PLSCR4: variants seen among roughly 807,000 people sequenced by gnomAD.
PLSCR4 encodes Ca(2+)-dependent phospholipid scramblase 4.
PLSCR4 carries 25 observed loss-of-function variants against 36.3 expected under a neutral mutation model. The observed-to-expected ratio is 0.69, with a 90% CI of 0.50 to 0.96. The LOEUF (loss-of-function observed/expected upper bound fraction) is 0.96. PLSCR4 is among the 40% of genes least tolerant of loss of function. The pLI, the probability that PLSCR4 is intolerant of heterozygous loss-of-function variation, is 0.00. For missense variants in PLSCR4, 408 were observed against 414.7 expected (o/e 0.98, Z 0.14); for synonymous variants, 122 against 132.9 (o/e 0.92, Z 0.56).
chr3:146,236,503 G>A (rs535796480), intron 1 of PLSCR4, among the ~76,000 whole-genome samples: 4 of 152,202 alleles, frequency 2.6e-5, no homozygotes, highest in African/African-American at 9.6e-5. Flanking sequence ...CCCAGTGGGA[G>A]GTAACTGAAT....
At chr3:146,200,379 A>G (rs1192110218) in intron 5 of PLSCR4, among the ~76,000 whole-genome samples, 1 of 152,110 alleles carries the variant, frequency 6.6e-6, no homozygotes, top group African/African-American at 2.4e-5. Flanking sequence ...ACATTTGACC[A>G]TTAATTAATC....
At chr3:146,226,460 A>G (rs1213344676) in intron 1 of PLSCR4, among the ~76,000 whole-genome samples, 1 of 152,206 alleles carries the variant, frequency 6.6e-6, no homozygotes, top group Non-Finnish European at 1.5e-5. Context: ...AGGCCAAATT[A>G]TTATATCTAT....
At chr3:146,239,079 G>A (rs970835053) in intron 1 of PLSCR4, among the ~76,000 whole-genome samples, 1 of 152,070 alleles carries the variant, frequency 6.6e-6, no homozygotes, top group Non-Finnish European at 1.5e-5. Context: ...ACCATGAAAT[G>A]TTGAAAGAAT....
chr3:146,223,875 TTA>T (rs2035300961), intron 1 of PLSCR4: 1 of 59,734 alleles, frequency 1.7e-5, no homozygotes, highest in African/African-American at 7.0e-5. Context: ...TTAATATATA[TTA>T]TATATTTTTA....
chr3:146,219,951 C>T (rs1416229869), intron 3 of PLSCR4, among the ~76,000 whole-genome samples: 2 of 151,572 alleles, frequency 1.3e-5, no homozygotes, highest in Non-Finnish European at 2.9e-5. Flanking sequence ...AAAAAAAAAA[C>T]TTTTGCCATT....
At chr3:146,228,202 T>C (rs1254167369) in intron 1 of PLSCR4, among the ~76,000 whole-genome samples, 1 of 152,128 alleles carries the variant, frequency 6.6e-6, no homozygotes, top group Non-Finnish European at 1.5e-5. Flanking sequence ...ATATAAAAAA[T>C]CCTCAATAAA....
At chr3:146,205,363 A>G (rs2034268904) in intron 4 of PLSCR4, among the ~76,000 whole-genome samples, 1 of 151,974 alleles carries the variant, frequency 6.6e-6, no homozygotes, top group Admixed American at 6.6e-5. Context: ...TATTAATTTT[A>G]CTATAGATCT....
chr3:146,213,229 T>A (rs1024372578), intron 3 of PLSCR4, among the ~76,000 whole-genome samples: 4 of 152,160 alleles, frequency 2.6e-5, no homozygotes, highest in Admixed American at 6.6e-5. Context: ...TGGGTAATAC[T>A]GGCCTCTAGA....
chr3:146,244,704 T>C (rs904951749), intron 1 of PLSCR4, among the ~76,000 whole-genome samples: 1 of 152,050 alleles, frequency 6.6e-6, no homozygotes, highest in East Asian at 1.9e-4. Context: ...CCCTATTCCC[T>C]GAGACAAAAC....
At chr3:146,223,282 A>C (rs2035260143) in intron 1 of PLSCR4, among the ~76,000 whole-genome samples, 2 of 152,182 alleles carry the variant, frequency 1.3e-5, no homozygotes. Context: ...TGAGAAGGGA[A>C]TTTCAATATA....
At chr3:146,197,313 C>G (rs2033799376) in intron 6 of PLSCR4, among the ~76,000 whole-genome samples, 1 of 152,138 alleles carries the variant, frequency 6.6e-6, no homozygotes, top group Non-Finnish European at 1.5e-5. Flanking sequence ...AATGAGGAAG[C>G]AATGGGCTTC....
chr3:146,250,375 G>C (rs892534487), intron 1 of PLSCR4, among the ~76,000 whole-genome samples: 4 of 152,072 alleles, frequency 2.6e-5, no homozygotes, highest in African/African-American at 9.7e-5. Context: ...TAGATCCTAA[G>C]AGAAGATAAG....
chr3:146,200,291 G>C (rs2033975523), intron 5 of PLSCR4, among the ~76,000 whole-genome samples: 1 of 151,964 alleles, frequency 6.6e-6, no homozygotes. Context: ...AGAAAAGATT[G>C]AAACAACCCT....
chr3:146,226,024 C>T (rs1360592889), intron 1 of PLSCR4, among the ~76,000 whole-genome samples: 1 of 152,116 alleles, frequency 6.6e-6, no homozygotes, highest in Non-Finnish European at 1.5e-5. Context: ...AGCAGGAATT[C>T]TAAACAAAAT....
At chr3:146,226,308 T>C (rs888826968) in intron 1 of PLSCR4, among the ~76,000 whole-genome samples, 2 of 152,242 alleles carry the variant, frequency 1.3e-5, no homozygotes, top group African/African-American at 4.8e-5. Context: ...CAAGAACCAT[T>C]TGACAGTTAT....
At chr3:146,204,988 A>G (rs1007039798) in intron 4 of PLSCR4, among the ~76,000 whole-genome samples, 2 of 152,058 alleles carry the variant, frequency 1.3e-5, no homozygotes, top group African/African-American at 4.8e-5. Context: ...ATTGACTTCT[A>G]TACACCAATG....
intron 6 of PLSCR4, 40 bp from the exon 7 acceptor site, chr3:146,196,833 C>A: frequency 1.3e-6 from 2 of 1,559,202 alleles, no homozygotes; most frequent in Non-Finnish European, 1.8e-6. Flanking sequence ...ATGCTACATG[C>A]ATACACATAC....
intron 1 of PLSCR4, chr3:146,223,908 T>C (rs1225143165): frequency 6.8e-6 from 1 of 147,378 alleles, no homozygotes; most frequent in Non-Finnish European, 1.5e-5. Context: ...TTAAATATAT[T>C]AATATTTAAA....
intron 1 of PLSCR4, among the ~76,000 whole-genome samples, chr3:146,249,710 G>A (rs2107879110): frequency 6.6e-6 from 1 of 151,534 alleles, no homozygotes; most frequent in African/African-American, 2.4e-5. Flanking sequence ...TCTTCCACAT[G>A]AGCTAAACAG....
Sources: allele counts gnomAD v4.1 joint callset (sites outside exome capture counted in the v4.1 genomes callset), GRCh38; gene constraint gnomAD v4.1.1; transcripts MANE v1.5; gene names NCBI Gene and HGNC (gene_info 2026-07-23, HGNC 2026-07-21).